BCL9: variants seen among roughly 807,000 people sequenced by gnomAD.
The protein encoded by BCL9 is BCL9 transcription coactivator.
A neutral mutation model predicts 88.5 loss-of-function variants in BCL9; 25 were observed. That is an observed-to-expected ratio of 0.28 (90% CI 0.21 to 0.39). The LOEUF is 0.39. Ranked by LOEUF, BCL9 falls within the 10% of genes least tolerant of loss-of-function variation. The pLI, the probability that BCL9 is intolerant of heterozygous loss-of-function variation, is 1.00. For synonymous variants in BCL9, 711 were observed against 673.3 expected, an observed-to-expected ratio of 1.06 and a Z score of -0.87; for missense variants, 1,817 against 1,877.8, an observed-to-expected ratio of 0.97 and a Z score of 0.60.
At chr1:147,549,556 G>A (rs1277160403) in intron 1 of BCL9, among the ~76,000 whole-genome samples, 1 of 152,174 alleles carries the variant, frequency 6.6e-6, no homozygotes, top group Non-Finnish European at 1.5e-5. Context: ...TGACTTCCAG[G>A]AATCTGCAGT....
intron 1 of BCL9, among the ~76,000 whole-genome samples, chr1:147,563,646 C>A (rs1203644253): frequency 1.3e-5 from 2 of 152,230 alleles, no homozygotes; most frequent in Non-Finnish European, 2.9e-5. Flanking sequence ...ATCCATCCAA[C>A]TTAACTTTCA....
chr1:147,607,065 C>T (rs192246948), intron 3 of BCL9, among the ~76,000 whole-genome samples, 199 bp downstream of exon 3: 9 of 152,322 alleles, frequency 5.9e-5, no homozygotes, highest in Non-Finnish European at 4.4e-5. Context: ...TTAGATTCCA[C>T]GTATAAGTGA....
intron 1 of BCL9, among the ~76,000 whole-genome samples, chr1:147,570,231 G>A (rs782545944): frequency 6.6e-6 from 1 of 152,210 alleles, no homozygotes; most frequent in Non-Finnish European, 1.5e-5. Flanking sequence ...AATGAAAAGA[G>A]AAAGTCTTGG....
intron 4 of BCL9, 148 bp from the exon 5 acceptor site, chr1:147,612,735 G>A: frequency 1.3e-6 from 1 of 749,342 alleles, no homozygotes; most frequent in Non-Finnish European, 2.1e-6. Flanking sequence ...AGGGGTGGCG[G>A]GAGCAAGCAA....
At chr1:147,557,851 G>T (rs1238817191) in intron 1 of BCL9, among the ~76,000 whole-genome samples, 1 of 152,122 alleles carries the variant, frequency 6.6e-6, no homozygotes, top group East Asian at 1.9e-4. Flanking sequence ...TCCTCAAGAG[G>T]TTGTGAAGCA....
chr1:147,552,431 C>A (rs1553194922), intron 1 of BCL9, among the ~76,000 whole-genome samples: 2 of 151,840 alleles, frequency 1.3e-5, no homozygotes, highest in Admixed American at 1.3e-4. Flanking sequence ...AACATGGAAA[C>A]CCTGTCTCTA....
intron 1 of BCL9, among the ~76,000 whole-genome samples, chr1:147,603,177 A>C (rs1269260313): frequency 1.3e-5 from 2 of 152,230 alleles, no homozygotes; most frequent in East Asian, 3.9e-4. Flanking sequence ...AGGAACAAAA[A>C]GGAGTATCTT....
rs781945593 is a variant in BCL9 at position 147,613,158 on chromosome 1, A to G, written c.329A>G (p.Gln110Arg). 4.3e-6 allele frequency: 7 copies of G among 1,614,220 alleles called. No homozygotes were observed. The highest frequency in any genetic ancestry group is 5.9e-6 in the Non-Finnish European group (7 of 1,180,038). ...AGTATTTCCGCCGACTCCTTTGATC[A>G]GAGAGATCCTGGGACTCCAAACGAT... ...ERSISADSFD[Q>R]RDPGTPNDDS... Residue 110 changes from glutamine to arginine, a missense_variant, in exon 5 of 10, where the codon CAG (glutamine) becomes CGG (arginine). This residue lies in a region of BCL9 where 1,228 missense variants were observed against 1,191.6 expected (regional missense o/e 1.03). Coordinates refer to ENST00000234739, the MANE Select transcript of BCL9 (RefSeq NM_004326.4).
At chr1:147,596,362 G>A (rs1368696937) in intron 1 of BCL9, among the ~76,000 whole-genome samples, 1 of 151,886 alleles carries the variant, frequency 6.6e-6, no homozygotes, top group Non-Finnish European at 1.5e-5. Flanking sequence ...TACAGCATTG[G>A]GGCACAGCAC....
intron 1 of BCL9, among the ~76,000 whole-genome samples, chr1:147,559,379 T>G (rs1413476197): frequency 6.6e-6 from 1 of 152,196 alleles, no homozygotes; most frequent in Non-Finnish European, 1.5e-5. Context: ...TCAGCTTGTA[T>G]TTCTCTCTCT....
chr1:147,553,900 T>G (rs1557820853), intron 1 of BCL9, among the ~76,000 whole-genome samples: 1 of 152,196 alleles, frequency 6.6e-6, no homozygotes, highest in Non-Finnish European at 1.5e-5. Flanking sequence ...CTTTGAAATT[T>G]TATGTAGACA....
At chr1:147,550,425 G>A (rs587707205) in intron 1 of BCL9, among the ~76,000 whole-genome samples, 23 of 152,212 alleles carry the variant, frequency 1.5e-4, no homozygotes, top group African/African-American at 5.5e-4. Flanking sequence ...GTATAACTGA[G>A]ATAAAAAGAC....
At chr1:147,595,652 C>A (rs1205449774) in intron 1 of BCL9, among the ~76,000 whole-genome samples, 3 of 151,698 alleles carry the variant, frequency 2.0e-5, no homozygotes, top group Non-Finnish European at 4.4e-5. Context: ...GAATTTGAGA[C>A]CAGCCTGGGC....
chr1:147,585,043 C>T (rs1335664790), intron 1 of BCL9, among the ~76,000 whole-genome samples: 5 of 152,086 alleles, frequency 3.3e-5, no homozygotes, highest in Admixed American at 6.6e-5. Flanking sequence ...AATGGCTCAC[C>T]CCAACCCAAC....
At chr1:147,556,903 A>T (rs1655140082) in intron 1 of BCL9, among the ~76,000 whole-genome samples, 1 of 152,176 alleles carries the variant, frequency 6.6e-6, no homozygotes, top group Admixed American at 6.5e-5. Flanking sequence ...TAGTCTCAGA[A>T]CCTAGAGCAG....
Position 147,622,431 on chromosome 1 carries a change from C to T in BCL9, c.3063C>T (p.Ser1021=). ...TGTCCAAGTTTGCAATGCCCAGTTC[C>T]ACCCCGTTATACCATGATGCTATCA... ...SRMSKFAMPS[S]TPLYHDAIKT... is the part of the protein sequence containing the mutation. The change falls in exon 9 of 10, where the codon TCC becomes TCT. Residue 1021 remains serine, a synonymous_variant. Transcript: ENST00000234739. 6.2e-7 allele frequency: 1 copy of T among 1,614,154 alleles called. No homozygotes were observed.
intron 1 of BCL9, among the ~76,000 whole-genome samples, chr1:147,594,428 T>C (rs1037585575): frequency 6.6e-6 from 1 of 152,180 alleles, no homozygotes; most frequent in Non-Finnish European, 1.5e-5. Context: ...TCTTGACAGA[T>C]GGTGAGTTTG....
intron 8 of BCL9, among the ~76,000 whole-genome samples, chr1:147,621,338 A>G (rs1479529473): frequency 6.6e-6 from 1 of 152,230 alleles, no homozygotes; most frequent in Non-Finnish European, 1.5e-5. Flanking sequence ...TCGCACAATG[A>G]ACAAATGCAA....
At chr1:147,567,834 C>A (rs1655676852) in intron 1 of BCL9, among the ~76,000 whole-genome samples, 1 of 152,170 alleles carries the variant, frequency 6.6e-6, no homozygotes. Flanking sequence ...ATCCCCTTAT[C>A]TACTTCCAGG....
Sources: allele counts gnomAD v4.1 joint callset (sites outside exome capture counted in the v4.1 genomes callset), GRCh38; gene constraint gnomAD v4.1.1; regional missense constraint gnomAD v4.1.1; transcripts MANE v1.5; gene names NCBI Gene and HGNC (gene_info 2026-07-23, HGNC 2026-07-21).